The following DGKB variants were observed in gnomAD, a reference collection of about 807,000 sequenced individuals.
DGKB encodes the protein 90 kDa diacylglycerol kinase.
Under a neutral mutation model 114.3 loss-of-function variants are expected in DGKB, and 67 were observed. The observed-to-expected ratio is 0.59, with a 90% confidence interval of 0.48 to 0.72. DGKB has a LOEUF of 0.72. Among genes scored for constraint, DGKB ranks in the 30% least tolerant of loss-of-function variants. The pLI is 0.00. For missense variants in DGKB, 907 were observed against 975.2 expected (o/e 0.93, Z 0.93); for synonymous variants, 398 against 323.1 (o/e 1.23, Z -2.49).
At chr7:14,677,193 T>C (rs969484884) in intron 12 of DGKB, among the ~76,000 whole-genome samples, 5 of 151,964 alleles carry the variant, frequency 3.3e-5, no homozygotes, top group African/African-American at 1.2e-4. Flanking sequence ...TATAGTTCTA[T>C]GGATGGAGTT....
chr7:14,240,810 T>C (rs1697888942), intron 23 of DGKB, among the ~76,000 whole-genome samples: 1 of 152,142 alleles, frequency 6.6e-6, no homozygotes, highest in African/African-American at 2.4e-5. Flanking sequence ...GGTTACAGTT[T>C]AGGAGGATTA....
intron 21 of DGKB, among the ~76,000 whole-genome samples, chr7:14,390,447 C>G (rs954059392): frequency 6.6e-6 from 1 of 152,164 alleles, no homozygotes; most frequent in Non-Finnish European, 1.5e-5. Flanking sequence ...TTAATTTCCC[C>G]TTGCCTTTCA....
intron 6 of DGKB, among the ~76,000 whole-genome samples, chr7:14,709,110 A>G (rs2128328642): frequency 6.7e-6 from 1 of 149,916 alleles, no homozygotes; most frequent in South Asian, 2.1e-4. Context: ...AACTCAAACA[A>G]ATTTACAAGA....
At chr7:14,591,163 CT>C (rs1801640790) in intron 17 of DGKB, among the ~76,000 whole-genome samples, 1 of 152,070 alleles carries the variant, frequency 6.6e-6, no homozygotes, top group African/African-American at 2.4e-5. Context: ...AGCTGTGAGG[CT>C]TCCACATTAC....
chr7:14,916,065 A>T (rs376002260), intron 1 of DGKB, among the ~76,000 whole-genome samples: 1 of 152,022 alleles, frequency 6.6e-6, no homozygotes, highest in Admixed American at 6.6e-5. Context: ...AAAAGCGAAA[A>T]AGAAGATATA....
In DGKB at chr7:14,595,377, A is replaced by G. The variant is rs369745933; in HGVS notation, c.1433+12057T>C. ...CGGGAAAAAGGGAGAAAACTAGTTT[A>G]GTAATAGACATGTAGAATTTGAGAT... On this transcript the variant is annotated intron_variant, in intron 17 of 25. Transcript: ENST00000402815. 2.6e-5 allele frequency among the ~76,000 whole-genome samples: 4 copies of G among 152,166 alleles called. No individual in the cohort carries two copies. The South Asian group carries it at 6.2e-4, about 24-fold the overall frequency.
intron 25 of DGKB, among the ~76,000 whole-genome samples, chr7:14,156,430 C>G (rs1326922107): frequency 6.6e-6 from 1 of 152,092 alleles, no homozygotes. Context: ...CCTTATACAG[C>G]AAAGGCAGTT....
chr7:14,868,120 T>C (rs1358363406), intron 1 of DGKB, among the ~76,000 whole-genome samples: 3 of 152,084 alleles, frequency 2.0e-5, no homozygotes, highest in African/African-American at 7.3e-5. Flanking sequence ...CTAGACCTTC[T>C]TCTTCTGGCT....
At chr7:14,555,623 A>G (rs778928381) in intron 20 of DGKB, among the ~76,000 whole-genome samples, 1 of 152,128 alleles carries the variant, frequency 6.6e-6, no homozygotes, top group Non-Finnish European at 1.5e-5. Flanking sequence ...TAAGGCTGAA[A>G]CCTACTGGGC....
At chr7:14,584,361 C>G (rs933343180) in intron 17 of DGKB, among the ~76,000 whole-genome samples, 6 of 152,118 alleles carry the variant, frequency 3.9e-5, no homozygotes, top group Admixed American at 3.9e-4. Context: ...GTTTTGAAGG[C>G]TACTCTAGAG....
chr7:14,360,134 T>A (rs921148410), intron 21 of DGKB, among the ~76,000 whole-genome samples: 2 of 151,896 alleles, frequency 1.3e-5, no homozygotes, highest in Non-Finnish European at 2.9e-5. Context: ...TATACAGCCA[T>A]AAAAAAGGAT....
chr7:14,851,901 G>T (rs1239616357), intron 1 of DGKB, among the ~76,000 whole-genome samples: 1 of 152,120 alleles, frequency 6.6e-6, no homozygotes, highest in East Asian at 1.9e-4. Flanking sequence ...GATGATTGCA[G>T]CCCAAGCTGT....
chr7:14,540,897 A>G lies in DGKB; in HGVS notation c.1770+33315T>C, dbSNP rs77523215. On this transcript the variant is annotated intron_variant, in intron 20 of 25. Coordinates refer to ENST00000402815, the MANE Select transcript of DGKB (RefSeq NM_001350709.2). ...ACTGTCTTCTTTTTAGCCTTGATAG[A>G]ACCTTTTGAATTCAATGATTTATAG... is the stretch of plus-strand genomic sequence containing the variant. Among the ~76,000 whole-genome samples, 534 of 152,262 alleles carry G rather than the reference A, an allele frequency of 3.5e-3. 4 individuals carry two copies. Among genetic ancestry groups the G allele is most frequent in the African/African-American group, 0.012 (502 of 41,566 alleles).
chr7:14,704,506 G>A (rs1466525959), intron 6 of DGKB, among the ~76,000 whole-genome samples: 1 of 151,626 alleles, frequency 6.6e-6, no homozygotes, highest in African/African-American at 2.4e-5. Flanking sequence ...TGGCCGAATA[G>A]GAACAGCTCC....
At chr7:14,845,527 G>A (rs1010595175) in intron 1 of DGKB, among the ~76,000 whole-genome samples, 8 of 152,212 alleles carry the variant, frequency 5.3e-5, no homozygotes, top group African/African-American at 1.9e-4. Context: ...TCACCATCCT[G>A]CGCTACACTC....
At chr7:14,192,876 G>A (rs4721310) in intron 23 of DGKB, among the ~76,000 whole-genome samples, 74,251 of 151,228 alleles carry the variant, frequency 0.49, 20,458 homozygotes, top group African/African-American at 0.76. Context: ...TAGGGGTGAT[G>A]GGAAACACTG....
At chr7:14,170,085 G>A (rs1191386856) in intron 25 of DGKB, among the ~76,000 whole-genome samples, 1 of 139,350 alleles carries the variant, frequency 7.2e-6, no homozygotes, top group Non-Finnish European at 1.5e-5. Flanking sequence ...GGTGAGCCGA[G>A]ATCACACCAT....
At chr7:14,799,529 G>T (rs1458491683) in intron 2 of DGKB, among the ~76,000 whole-genome samples, 2 of 152,218 alleles carry the variant, frequency 1.3e-5, no homozygotes, top group Non-Finnish European at 2.9e-5. Flanking sequence ...GTCTCAATGG[G>T]ATTTTTAGAG....
chr7:14,391,397 G>C (rs1821279129), intron 21 of DGKB, among the ~76,000 whole-genome samples: 2 of 151,830 alleles, frequency 1.3e-5, no homozygotes, highest in African/African-American at 4.8e-5. Context: ...TGAATGATAA[G>C]GGAGGCCAGA....
Sources: allele counts gnomAD v4.1 joint callset (sites outside exome capture counted in the v4.1 genomes callset), GRCh38; gene constraint gnomAD v4.1.1; transcripts MANE v1.5; gene names NCBI Gene and HGNC (gene_info 2026-07-23, HGNC 2026-07-21).